Variants in PLCL1 observed in about 807,000 individuals in gnomAD.
PLCL1 encodes the protein inactive phospholipase C-like protein 1.
In PLCL1, 41 loss-of-function variants were observed where a neutral mutation model predicts 84.4. That is an observed-to-expected ratio of 0.49 (90% CI 0.38 to 0.63). PLCL1 has a LOEUF of 0.63. Among genes scored for constraint, PLCL1 ranks in the 30% least tolerant of loss-of-function variants. The pLI, the probability that PLCL1 is intolerant of heterozygous loss-of-function variation, is 0.00. For synonymous variants in PLCL1, 490 were observed against 488.3 expected (o/e 1.00, Z -0.05); for missense variants, 1,206 against 1,367.8 (o/e 0.88, Z 1.87).
chr2:198,130,254 C>A (rs1012180975), intron 5 of PLCL1, among the ~76,000 whole-genome samples: 2 of 152,162 alleles, frequency 1.3e-5, no homozygotes, highest in African/African-American at 4.8e-5. Flanking sequence ...TGGGACACCA[C>A]CCCCTTCTCT....
chr2:197,894,930 G>A (rs572918730), intron 1 of PLCL1, among the ~76,000 whole-genome samples: 1 of 152,020 alleles, frequency 6.6e-6, no homozygotes, highest in South Asian at 2.1e-4. Context: ...TAACTTCACT[G>A]TGTTTTAACT....
At chr2:197,879,795 G>C (rs1687797706) in intron 1 of PLCL1, among the ~76,000 whole-genome samples, 1 of 152,098 alleles carries the variant, frequency 6.6e-6, no homozygotes, top group African/African-American at 2.4e-5. Flanking sequence ...TGGAGGGCTA[G>C]CCTTTATCTT....
intron 1 of PLCL1, among the ~76,000 whole-genome samples, chr2:198,061,984 C>G (rs1456905930): frequency 1.3e-5 from 2 of 152,134 alleles, no homozygotes; most frequent in African/African-American, 4.8e-5. Context: ...GAAATGTATT[C>G]CATCCTGTCT....
At chr2:198,098,732 T>C (rs1325120644) in intron 3 of PLCL1, among the ~76,000 whole-genome samples, 1 of 152,222 alleles carries the variant, frequency 6.6e-6, no homozygotes, top group Non-Finnish European at 1.5e-5. Context: ...TCAGTATTAT[T>C]AAATAATTAC....
chr2:197,993,105 G>A (rs1215292504), intron 1 of PLCL1, among the ~76,000 whole-genome samples: 4 of 152,016 alleles, frequency 2.6e-5, no homozygotes, highest in Non-Finnish European at 4.4e-5. Context: ...CCATAGTGGC[G>A]GTACCATTTT....
chr2:198,004,450 T>C (rs561647046), intron 1 of PLCL1, among the ~76,000 whole-genome samples: 2 of 152,212 alleles, frequency 1.3e-5, no homozygotes, highest in Non-Finnish European at 2.9e-5. Flanking sequence ...GTCCTACTGA[T>C]ATGACTTAGG....
intron 1 of PLCL1, among the ~76,000 whole-genome samples, chr2:197,842,750 T>A (rs531631568): frequency 9.2e-5 from 14 of 152,268 alleles, no homozygotes; most frequent in African/African-American, 3.4e-4. Flanking sequence ...CACCTAAAAT[T>A]GTTCTTATCT....
chr2:197,996,262 G>C (rs1397676926), intron 1 of PLCL1, among the ~76,000 whole-genome samples: 6 of 152,158 alleles, frequency 3.9e-5, no homozygotes, highest in Non-Finnish European at 7.4e-5. Context: ...TAGGTCATTT[G>C]AAGAATGCAC....
At chr2:197,958,356 T>C (rs555453554) in intron 1 of PLCL1, among the ~76,000 whole-genome samples, 50 of 148,288 alleles carry the variant, frequency 3.4e-4, no homozygotes, top group Admixed American at 6.8e-4. Flanking sequence ...CCATAGCTTA[T>C]GAGCTAAAAA....
At chr2:198,137,730 A>G (rs772084425) in intron 5 of PLCL1, among the ~76,000 whole-genome samples, 5 of 152,210 alleles carry the variant, frequency 3.3e-5, no homozygotes, top group Admixed American at 6.5e-5. Flanking sequence ...CTAATCTCCT[A>G]GTCCTCACAG....
intron 1 of PLCL1, among the ~76,000 whole-genome samples, chr2:197,932,538 G>A (rs1259407909): frequency 1.3e-5 from 2 of 151,968 alleles, no homozygotes; most frequent in Non-Finnish European, 2.9e-5. Context: ...AAACCCAGCA[G>A]GCCCCAGTGT....
intron 1 of PLCL1, among the ~76,000 whole-genome samples, chr2:197,821,968 A>G (rs1690825852): frequency 6.6e-6 from 1 of 152,136 alleles, no homozygotes; most frequent in Non-Finnish European, 1.5e-5. Context: ...GGTTAGGAAA[A>G]TTGACCAGAA....
At position 198,035,632 on chromosome 2, in the gene PLCL1, A is replaced by G. The variant is rs1691537696; in HGVS notation, c.241-48126A>G. ...TGTGACCATAAAAATAAATGGTAGTAACAGATGGAATAAGAATCCATGAGT... is the reference window on the plus strand; with the variant it reads ...TGTGACCATAAAAATAAATGGTAGTGACAGATGGAATAAGAATCCATGAGT... On this transcript the variant is annotated intron_variant, in intron 1 of 5. Coordinates refer to ENST00000428675, the MANE Select transcript of PLCL1 (RefSeq NM_006226.4). 2.0e-5 allele frequency among the ~76,000 whole-genome samples: 3 copies of G among 152,258 alleles called. No homozygotes were observed. In the South Asian group the frequency reaches 6.2e-4, roughly 31 times the overall value.
At chr2:197,900,526 G>T (rs570242131) in intron 1 of PLCL1, among the ~76,000 whole-genome samples, 1 of 152,202 alleles carries the variant, frequency 6.6e-6, no homozygotes, top group Non-Finnish European at 1.5e-5. Flanking sequence ...TGCAGAAGAT[G>T]CTGTGGGTCT....
At chr2:197,933,314 A>C (rs1403613449) in intron 1 of PLCL1, among the ~76,000 whole-genome samples, 8 of 131,842 alleles carry the variant, frequency 6.1e-5, no homozygotes, top group Non-Finnish European at 9.2e-5. Flanking sequence ...CCCAGGCTGG[A>C]GCGCAGTGGT....
At chr2:198,030,869 G>T (rs1457591308) in intron 1 of PLCL1, among the ~76,000 whole-genome samples, 1 of 152,136 alleles carries the variant, frequency 6.6e-6, no homozygotes, top group Non-Finnish European at 1.5e-5. Context: ...GCTATTGAGT[G>T]TTGTAATATA....
At chr2:197,831,865 C>T (rs1276821296) in intron 1 of PLCL1, among the ~76,000 whole-genome samples, 2 of 152,076 alleles carry the variant, frequency 1.3e-5, no homozygotes, top group African/African-American at 4.8e-5. Flanking sequence ...TTAAGAAACT[C>T]AGAACCGCAC....
chr2:198,036,467 A>T (rs1441258694), intron 1 of PLCL1, among the ~76,000 whole-genome samples: 1 of 152,350 alleles, frequency 6.6e-6, no homozygotes, highest in Admixed American at 6.5e-5. Flanking sequence ...CATGCTATTG[A>T]TAAAATCTGG....
intron 1 of PLCL1, among the ~76,000 whole-genome samples, chr2:197,845,459 GA>G (rs753112341): frequency 6.6e-6 from 1 of 152,126 alleles, no homozygotes; most frequent in Non-Finnish European, 1.5e-5. Context: ...CATTGCCATG[GA>G]AAAAGAAGGC....
Sources: gnomAD v4.1 joint callset for allele counts (sites outside exome capture counted in the v4.1 genomes callset) on GRCh38, gnomAD v4.1.1 for gene constraint, MANE v1.5 for transcripts, NCBI Gene and HGNC (gene_info 2026-07-23, HGNC 2026-07-21) for gene names.